The following PRH1 variants were observed in gnomAD, a reference collection of about 807,000 sequenced individuals.
PRH1 encodes proline rich protein HaeIII subfamily 1.
A neutral mutation model predicts 7.9 loss-of-function variants in PRH1; 7 were observed. The observed-to-expected ratio is 0.89, with a 90% confidence interval of 0.50 to 1.67. The LOEUF (loss-of-function observed/expected upper bound fraction) is 1.67, where lower values mean the gene tolerates loss of function less well. PRH1 is among the 40% of genes most tolerant of loss of function. PRH1 has a pLI of 0.00. For missense variants in PRH1, 109 were observed against 223.6 expected (o/e 0.49, Z 3.27); for synonymous variants, 45 against 80.8 (o/e 0.56, Z 2.38).
At chr12:10,884,320 C>G (rs2135782078), upstream of PRH1, 1 of 1,467,200 alleles carries the variant, frequency 6.8e-7, no homozygotes, top group South Asian at 1.2e-5. Context: ...AGCTCCCTAC[C>G]AGGTGGGCCT....
chr12:11,041,223 C>T (rs1389714039), intron 1 of PRH1, among the ~76,000 whole-genome samples: 2 of 145,142 alleles, frequency 1.4e-5, no homozygotes, highest in East Asian at 4.0e-4. Flanking sequence ...ACACACTTTG[C>T]CTATAAAGAC....
At chr12:11,051,130 G>A (rs549390402), upstream of PRH1, among the ~76,000 whole-genome samples, 35 of 152,390 alleles carry the variant, frequency 2.3e-4, no homozygotes, top group Admixed American at 1.4e-3. Flanking sequence ...TAAGCCAAGC[G>A]TGTGGGAAAC....
At chr12:11,140,048 T>G (rs1409629839) in intron 1 of PRH1, among the ~76,000 whole-genome samples, 4 of 151,976 alleles carry the variant, frequency 2.6e-5, no homozygotes, top group Non-Finnish European at 4.4e-5. Flanking sequence ...TCATATACAT[T>G]TATTAATAAT....
At chr12:11,170,504 G>C (rs1263738788) in intron 1 of PRH1, among the ~76,000 whole-genome samples, 1 of 152,158 alleles carries the variant, frequency 6.6e-6, no homozygotes, top group African/African-American at 2.4e-5. Flanking sequence ...CCGAGATCGC[G>C]CCACTGCACT....
chr12:10,933,701 C>T (rs1282517359), intron 2 of PRH1, among the ~76,000 whole-genome samples: 9 of 151,774 alleles, frequency 5.9e-5, no homozygotes, highest in Admixed American at 5.2e-4. Flanking sequence ...TTTGATTAGC[C>T]TTCTGACCAT....
At chr12:11,149,234 C>A (rs1817181129) in intron 1 of PRH1, among the ~76,000 whole-genome samples, 1 of 152,110 alleles carries the variant, frequency 6.6e-6, no homozygotes, top group African/African-American at 2.4e-5. Context: ...TTTCAAAAAA[C>A]CAGCTCCTGG....
At chr12:10,907,434 CAACA>C (rs1295302312) in intron 2 of PRH1, among the ~76,000 whole-genome samples, 1 of 152,026 alleles carries the variant, frequency 6.6e-6, no homozygotes, top group Non-Finnish European at 1.5e-5. Context: ...CTGATTAATA[CAACA>C]AAACAGAAGA....
At chr12:11,142,146 TCTC>T (rs1482779300) in intron 1 of PRH1, among the ~76,000 whole-genome samples, 4 of 152,032 alleles carry the variant, frequency 2.6e-5, no homozygotes, top group Non-Finnish European at 5.9e-5. Context: ...ATGACATCCG[TCTC>T]CAACAACTAG....
chr12:11,050,903 T>C (rs1943116251), upstream of PRH1, among the ~76,000 whole-genome samples: 1 of 152,264 alleles, frequency 6.6e-6, no homozygotes, highest in Non-Finnish European at 1.5e-5. Flanking sequence ...AGAAGAAGAA[T>C]GAGAAACTAA....
At chr12:11,022,620 C>T in intron 1 of PRH1, 1 of 1,334,276 alleles carries the variant, frequency 7.5e-7, no homozygotes, top group Admixed American at 2.1e-5. Context: ...GTTCTGAGTC[C>T]TTTAACATCC....
chr12:11,059,792 T>C lies in PRH1; in HGVS notation n.124-12604A>G, dbSNP rs2244875. 4.3e-3 allele frequency among the ~76,000 whole-genome samples: 649 copies of C among 152,316 alleles called. 3 individuals carry two copies. The highest frequency in any genetic ancestry group is 0.015 in the African/African-American group (623 of 41,568). ...CCTGAGAACAGAACAGGGGAATTCATGCAACTGCAGATTTTGTGATGAGTT... is the reference window on the plus strand; with the variant it reads ...CCTGAGAACAGAACAGGGGAATTCACGCAACTGCAGATTTTGTGATGAGTT... On this transcript the variant is annotated intron_variant and non_coding_transcript_variant, in intron 1 of 4. Coordinates refer to the PRH1 transcript ENST00000541977.
At chr12:11,141,792 T>C (rs1284720428) in intron 1 of PRH1, among the ~76,000 whole-genome samples, 2 of 152,158 alleles carry the variant, frequency 1.3e-5, no homozygotes, top group Non-Finnish European at 1.5e-5. Flanking sequence ...TTCCTTGTTT[T>C]GGGTGGAGGG....
intron 1 of PRH1, among the ~76,000 whole-genome samples, chr12:10,980,630 T>C (rs1939308302): frequency 6.6e-6 from 1 of 152,150 alleles, no homozygotes; most frequent in African/African-American, 2.4e-5. Flanking sequence ...ACCATTTGGC[T>C]ACATTATCAG....
Position 11,126,679 on chromosome 12 carries a change from A to G in PRH1, n.40-5499T>C, listed in dbSNP as rs1281800313. 2.0e-5 allele frequency among the ~76,000 whole-genome samples: 3 copies of G among 152,182 alleles called. No individual in the cohort carries two copies. In the East Asian group the frequency reaches 5.8e-4, roughly 29 times the overall value. ...TGCCATACTCAAAGTAATTGCACTG[A>G]TTTACAATTCTAGGATTACAATCCT... On this transcript the variant is annotated intron_variant and non_coding_transcript_variant, in intron 1 of 1. Transcript: ENST00000541175.
intron 1 of PRH1, among the ~76,000 whole-genome samples, chr12:11,113,688 T>G (rs533011900): frequency 6.6e-6 from 1 of 152,054 alleles, no homozygotes; most frequent in Admixed American, 6.5e-5. Flanking sequence ...CCAAAAGCAA[T>G]TGCAACAAAA....
In PRH1 at chr12:10,882,825, C is replaced by A. The variant is rs112094611; in HGVS notation, c.101-127G>T. 9.4e-4 allele frequency: 1,403 copies of A among 1,489,670 alleles called. 17 individuals carry two copies. The African/African-American group carries it at 0.016, about 17-fold the overall frequency. 92.3% of individuals were successfully genotyped at this position (1,489,670 alleles called of 1,614,324 possible). A position where few individuals can be genotyped will look rare whatever the true frequency, so the allele number is the denominator to read the frequency against. Reference sequence around the variant, plus strand: ...CTGCCTCTCAACTCCCAACCTCCCCCCTTCCCAAGGCTTCCTAATTAGAAC... The same window carrying A: ...CTGCCTCTCAACTCCCAACCTCCCCACTTCCCAAGGCTTCCTAATTAGAAC... On this transcript the variant is annotated intron_variant, in intron 2 of 3. Coordinates refer to ENST00000543626, the MANE Select transcript of PRH1 (RefSeq NM_001393989.1).
intron 2 of PRH1, among the ~76,000 whole-genome samples, chr12:10,917,086 A>C (rs548073298): frequency 6.6e-6 from 1 of 152,088 alleles, no homozygotes; most frequent in East Asian, 1.9e-4. Flanking sequence ...GTATACATTT[A>C]AATATATGTA....
intron 2 of PRH1, among the ~76,000 whole-genome samples, chr12:10,892,171 T>C (rs1355847807): frequency 1.3e-5 from 2 of 152,144 alleles, no homozygotes; most frequent in African/African-American, 2.4e-5. Flanking sequence ...TTGAGGCCCT[T>C]CTGTTTGCTC....
intron 2 of PRH1, among the ~76,000 whole-genome samples, chr12:10,939,963 C>T (rs1591704868): frequency 6.6e-6 from 1 of 152,030 alleles, no homozygotes; most frequent in African/African-American, 2.4e-5. Context: ...ATAACAACAC[C>T]TGATACCTCA....
Sources: gnomAD v4.1 joint callset for allele counts (sites outside exome capture counted in the v4.1 genomes callset) on GRCh38, gnomAD v4.1.1 for gene constraint, MANE v1.5 for transcripts, NCBI Gene and HGNC (gene_info 2026-07-23, HGNC 2026-07-21) for gene names.